The following AGTRAP variants were observed in gnomAD, a reference collection of about 807,000 sequenced individuals.
The protein encoded by AGTRAP is type-1 angiotensin II receptor-associated protein.
A neutral mutation model predicts 15.2 loss-of-function variants in AGTRAP; 7 were observed. The observed-to-expected ratio is 0.46, with a 90% CI of 0.26 to 0.87. The LOEUF (loss-of-function observed/expected upper bound fraction) is 0.87, where lower values mean the gene tolerates loss of function less well. Ranked by LOEUF, AGTRAP falls within the 40% of genes least tolerant of loss-of-function variation. The probability of loss-of-function intolerance (pLI) is 0.15; values close to 1 mark genes in which losing one functional copy is unlikely to be tolerated. For missense variants in AGTRAP, 187 were observed against 213.4 expected, an observed-to-expected ratio of 0.88 and a Z score of 0.77; for synonymous variants, 74 against 89.6, an observed-to-expected ratio of 0.83 and a Z score of 0.98.
At chr1:11,749,712 C>T (rs543068181) in intron 4 of AGTRAP, among the ~76,000 whole-genome samples, 16 of 152,306 alleles carry the variant, frequency 1.1e-4, no homozygotes, top group Admixed American at 9.8e-4. Flanking sequence ...GCACGTGCTG[C>T]CTGGGGAAGC....
intron 3 of AGTRAP, 41 bp from the exon 4 acceptor site, chr1:11,748,374 T>C: frequency 6.3e-7 from 1 of 1,581,714 alleles, no homozygotes; most frequent in Non-Finnish European, 8.6e-7. Flanking sequence ...CCACGGAGCG[T>C]GGTGGGGGTG....
chr1:11,749,961 T>A, intron 4 of AGTRAP, 116 bp from the exon 5 acceptor site: 3 of 713,026 alleles, frequency 4.2e-6, no homozygotes, highest in Admixed American at 2.2e-5. Context: ...TCTCTGTGCA[T>A]GGTGTCAGGA....
Position 11,744,928 on chromosome 1 carries a change from C to T in AGTRAP, c.28-875C>T, listed in dbSNP as rs1570343653. On this transcript the variant is annotated intron_variant, in intron 1 of 4. Coordinates refer to ENST00000314340, the MANE Select transcript of AGTRAP (RefSeq NM_020350.5). Reference sequence around the variant, plus strand: ...GGAGTGCAATGGCACAATCTCGGCTCCCTGCAACCTCCACCTCCCAGGTTC... The same window carrying T: ...GGAGTGCAATGGCACAATCTCGGCTTCCTGCAACCTCCACCTCCCAGGTTC... 2.7e-5 allele frequency among the ~76,000 whole-genome samples: 4 copies of T among 149,216 alleles called. 1 individual carries two copies. The South Asian group carries it at 8.6e-4, about 32-fold the overall frequency.
chr1:11,748,949 G>A (rs946615478), intron 4 of AGTRAP, among the ~76,000 whole-genome samples: 13 of 152,106 alleles, frequency 8.5e-5, no homozygotes, highest in African/African-American at 3.1e-4. Context: ...AGGGCCACGG[G>A]CACCTACAGG....
At chr1:11,738,765 C>T (rs550324179) in intron 1 of AGTRAP, among the ~76,000 whole-genome samples, 3 of 152,266 alleles carry the variant, frequency 2.0e-5, no homozygotes, top group South Asian at 2.1e-4. Context: ...CGAAGTTAAC[C>T]GCTGCACAAC....
chr1:11,750,530 A>C lies in AGTRAP; in HGVS notation c.*338A>C. On this transcript the variant is annotated 3_prime_UTR_variant, in exon 5 of 5. Transcript: ENST00000314340. The stretch of plus-strand genomic sequence containing the variant: ...AAGCTCAGGCCTTTAAGGACTGCTG[A>C]TGCCCCCTCAGGCCTCCCCCAAGTT... 5.4e-6 allele frequency: 3 copies of C among 555,046 alleles called. No homozygotes were observed. The highest frequency in any genetic ancestry group is 9.6e-6 in the Non-Finnish European group (3 of 311,152). The allele number at this position is 555,046 out of a possible 1,614,324, so 34.4% of individuals were successfully genotyped here. A position where few individuals can be genotyped will look rare whatever the true frequency, so the allele number is the denominator to read the frequency against.
At chr1:11,748,682 CAGTG>C in intron 4 of AGTRAP, 72 bp downstream of exon 4, 1 of 1,525,768 alleles carries the variant, frequency 6.6e-7, no homozygotes, top group Non-Finnish European at 8.8e-7. Context: ...GCCTCTCCCT[CAGTG>C]AGCCAGCCTT....
At chr1:11,746,864 A>T (rs1012282365) in intron 2 of AGTRAP, among the ~76,000 whole-genome samples, 1 of 152,220 alleles carries the variant, frequency 6.6e-6, no homozygotes, top group East Asian at 1.9e-4. Flanking sequence ...CTAAAAATAG[A>T]ATAGGGCGGG....
chr1:11,748,198 C>T (rs564635496), intron 3 of AGTRAP, among the ~76,000 whole-genome samples: 8 of 152,330 alleles, frequency 5.3e-5, no homozygotes, highest in African/African-American at 1.9e-4. Context: ...GAGGGAGGCT[C>T]TGGTGGAACC....
intron 2 of AGTRAP, among the ~76,000 whole-genome samples, 178 bp from the exon 3 acceptor site, chr1:11,747,262 C>T (rs1642185254): frequency 6.6e-6 from 1 of 152,152 alleles, no homozygotes; most frequent in Non-Finnish European, 1.5e-5. Flanking sequence ...TCTACAGGGA[C>T]ACAGCCAGAT....
chr1:11,748,342 C>G, intron 3 of AGTRAP, 73 bp from the exon 4 acceptor site: 1 of 1,519,718 alleles, frequency 6.6e-7, no homozygotes, highest in South Asian at 1.2e-5. Flanking sequence ...AACGGCTTCC[C>G]ATCCGGTGTG....
At chr1:11,738,211 C>A (rs1048030759) in intron 1 of AGTRAP, among the ~76,000 whole-genome samples, 1 of 152,150 alleles carries the variant, frequency 6.6e-6, no homozygotes, top group African/African-American at 2.4e-5. Flanking sequence ...GCACTCCCTC[C>A]CCACTCCCTC....
chr1:11,750,214 C>T lies in AGTRAP; in HGVS notation c.*22C>T, dbSNP rs775446587. On this transcript the variant is annotated 3_prime_UTR_variant, in exon 5 of 5. Transcript: ENST00000314340. ...CTGAAGCCAGCCACGCTGCGCCCGG[C>T]CCTGCCCCGGGCCTTCCTCGTGCCT... The T allele has an allele frequency of 6.3e-7, 1 of 1,591,114 alleles. No homozygotes were observed. Among genetic ancestry groups the T allele is most frequent in the East Asian group, 2.2e-5 (1 of 44,714 alleles).
In AGTRAP at chr1:11,741,531, G is replaced by A. The variant is rs184366676; in HGVS notation, c.28-4272G>A. ...CACCGTTTATCACTTCAAGCCCCTGGGGATTGAAATCCATGGAAGACTACA... is the reference window on the plus strand; with the variant it reads ...CACCGTTTATCACTTCAAGCCCCTGAGGATTGAAATCCATGGAAGACTACA... On this transcript the variant is annotated intron_variant, in intron 1 of 4. Transcript: ENST00000314340. 2.6e-5 allele frequency among the ~76,000 whole-genome samples: 4 copies of A among 152,234 alleles called. No homozygotes were observed. In the East Asian group the frequency reaches 7.7e-4, roughly 29 times the overall value.
chr1:11,737,770 C>A (rs560824744), intron 1 of AGTRAP, among the ~76,000 whole-genome samples: 1 of 152,180 alleles, frequency 6.6e-6, no homozygotes, highest in East Asian at 1.9e-4. Context: ...GCCTGACAGG[C>A]TAAGAGCATC....
intron 1 of AGTRAP, among the ~76,000 whole-genome samples, chr1:11,744,032 T>C (rs904802867): frequency 2.0e-5 from 3 of 152,110 alleles, no homozygotes; most frequent in Non-Finnish European, 2.9e-5. Context: ...TCCCAGCACT[T>C]TGGGAGACCA....
At position 11,737,474 on chromosome 1, in the gene AGTRAP, T is replaced by C. The variant is rs572173033; in HGVS notation, c.27+1239T>C. Among the ~76,000 whole-genome samples, 7 of 152,352 alleles carry C rather than the reference T, an allele frequency of 4.6e-5. No homozygotes were observed. The South Asian group carries it at 6.2e-4, about 14-fold the overall frequency. ...GAGGGCAGTGGGAGGGACAGAGCTC[T>C]AATTTATGGGCTTCTGTGGTGTGCC... is the stretch of plus-strand genomic sequence containing the variant. On this transcript the variant is annotated intron_variant, in intron 1 of 4. Transcript: ENST00000314340.
In AGTRAP at chr1:11,736,833, C is replaced by T. The variant is rs566451232; in HGVS notation, c.27+598C>T. ...GTGCACTGGGGAAAACACTGCAGGGCTTCCTGTGGTGTCTTCATTTCCCGA... is the reference window on the plus strand; with the variant it reads ...GTGCACTGGGGAAAACACTGCAGGGTTTCCTGTGGTGTCTTCATTTCCCGA... On this transcript the variant is annotated intron_variant, in intron 1 of 4. Transcript: ENST00000314340. Among the ~76,000 whole-genome samples, 86 of 152,318 alleles carry T rather than the reference C, an allele frequency of 5.6e-4. No individual in the cohort carries two copies. The South Asian group carries it at 7.5e-3, about 13-fold the overall frequency.
intron 3 of AGTRAP, among the ~76,000 whole-genome samples, 200 bp downstream of exon 3, chr1:11,747,745 G>A (rs753490228): frequency 6.6e-5 from 10 of 152,206 alleles, no homozygotes; most frequent in Non-Finnish European, 1.2e-4. Context: ...TGCTCTTCTT[G>A]TCTGGCTTAG....
Sources: allele counts gnomAD v4.1 joint callset (sites outside exome capture counted in the v4.1 genomes callset), GRCh38; gene constraint gnomAD v4.1.1; transcripts MANE v1.5; gene names NCBI Gene and HGNC (gene_info 2026-07-23, HGNC 2026-07-21).